Variants in HDAC3 observed in about 807,000 individuals in gnomAD.
The protein encoded by HDAC3 is SMAP45.
A neutral mutation model predicts 62.3 loss-of-function variants in HDAC3; 21 were observed. The observed-to-expected ratio is 0.34, with a 90% confidence interval of 0.24 to 0.49. The LOEUF (loss-of-function observed/expected upper bound fraction) is 0.49, where lower values mean the gene tolerates loss of function less well. Among genes scored for constraint, HDAC3 ranks in the 20% least tolerant of loss-of-function variants. The pLI is 0.99. For synonymous variants in HDAC3, 198 were observed against 206.5 expected (o/e 0.96, Z 0.35); for missense variants, 270 against 556.9 (o/e 0.48, Z 5.19).
Position 141,628,258 on chromosome 5 carries a change from G to C in HDAC3, c.692-71C>G. On this transcript the variant is annotated intron_variant, in intron 8 of 14. Coordinates refer to ENST00000305264, the MANE Select transcript of HDAC3 (RefSeq NM_003883.4). This position sits in a 1 kb window ranked among gnomAD's most constrained non-coding sequence, Gnocchi z 4.7. ...GGAGACAGGGAACAAAAGGAAAAAG[G>C]GGGTTGAGCGAGCATGTAGCCCAGG... The C allele has an allele frequency of 7.5e-7, 1 of 1,334,096 alleles. No homozygotes were observed. The highest frequency in any genetic ancestry group is 1.1e-6 in the Non-Finnish European group (1 of 929,064). The allele number at this position is 1,334,096 out of a possible 1,614,324, so 82.6% of individuals were successfully genotyped here. A position where few individuals can be genotyped will look rare whatever the true frequency, so the allele number is the denominator to read the frequency against.
Position 141,629,381 on chromosome 5 carries a change from G to A in HDAC3, c.477-75C>T. ...CCACTCCTCTCAAACACCGGGTCTC[G>A]AATTGTGAAGAGTCTGCTTCTGCCC... On this transcript the variant is annotated intron_variant, in intron 6 of 14. Transcript: ENST00000305264. This position sits in a 1 kb window ranked among gnomAD's most constrained non-coding sequence, Gnocchi z 5.3. 8.2e-6 allele frequency: 13 copies of A among 1,590,816 alleles called. No individual in the cohort carries two copies. Among genetic ancestry groups the A allele is most frequent in the Admixed American group, 3.4e-5 (2 of 59,418 alleles).
At position 141,628,700 on chromosome 5, in the gene HDAC3, G is replaced by T; in HGVS notation, c.611-61C>A. On this transcript the variant is annotated intron_variant, in intron 7 of 14. Coordinates refer to ENST00000305264, the MANE Select transcript of HDAC3 (RefSeq NM_003883.4). The surrounding 1 kb of genome is among the most constrained non-coding windows in gnomAD (Gnocchi z 4.7). Reference sequence around the variant, plus strand: ...AAGCACCCACAACCCAGCTGTTTCAGCCCCAATCTGCACTCTGGGAGCCTC... The same window carrying T: ...AAGCACCCACAACCCAGCTGTTTCATCCCCAATCTGCACTCTGGGAGCCTC... 1 of 1,221,508 alleles carries T rather than the reference G, an allele frequency of 8.2e-7. No individual in the cohort carries two copies. The highest frequency in any genetic ancestry group is 1.2e-6 in the Non-Finnish European group (1 of 829,378). The allele number at this position is 1,221,508 out of a possible 1,614,324, so 75.7% of individuals were successfully genotyped here.
At chr5:141,623,343 T>C (rs538911367) in intron 14 of HDAC3, among the ~76,000 whole-genome samples, 32 of 152,232 alleles carry the variant, frequency 2.1e-4, no homozygotes, top group African/African-American at 7.7e-4. Context: ...GCTGGAGCTA[T>C]AGGCATCAAA....
chr5:141,624,273 C>T (rs1235705358), intron 14 of HDAC3, among the ~76,000 whole-genome samples: 19 of 146,512 alleles, frequency 1.3e-4, no homozygotes, highest in Admixed American at 1.1e-3. Context: ...CAGTGGCTCA[C>T]GCCTATAATC....
At position 141,626,853 on chromosome 5, in the gene HDAC3, C is replaced by G. The variant is rs1349470326; in HGVS notation, c.831-570G>C. ...TCATCTACTTCTCTCCATTGCCACC[C>G]CCTCCACCTTAGTCTGGGCACCTAA... On this transcript the variant is annotated intron_variant, in intron 10 of 14. Coordinates refer to ENST00000305264, the MANE Select transcript of HDAC3 (RefSeq NM_003883.4). The surrounding 1 kb of genome is among the most constrained non-coding windows in gnomAD (Gnocchi z 4.6). Among the ~76,000 whole-genome samples the G allele has an allele frequency of 6.6e-6, 1 of 151,574 alleles. No homozygotes were observed. The highest frequency in any genetic ancestry group is 2.4e-5 in the African/African-American group (1 of 41,232).
chr5:141,626,362 G>A lies in HDAC3; in HGVS notation c.831-79C>T, dbSNP rs1596438017. On this transcript the variant is annotated intron_variant, in intron 10 of 14. Transcript: ENST00000305264. This position sits in a 1 kb window ranked among gnomAD's most constrained non-coding sequence, Gnocchi z 4.6. ...AATACCTTTAGGTATTGCCTGAAAG[G>A]AGCACAAGAAAACTATAAATGTTCT... is the stretch of plus-strand genomic sequence containing the variant. 1 of 995,422 alleles carries A rather than the reference G, an allele frequency of 1.0e-6. No individual in the cohort carries two copies. The allele number at this position is 995,422 out of a possible 1,614,324, so 61.7% of individuals were successfully genotyped here.
rs960081505 is a variant in HDAC3 at position 141,636,803 on chromosome 5, A to G, written c.-13T>C. On this transcript the variant is annotated 5_prime_UTR_variant, in exon 1 of 15. Coordinates refer to ENST00000305264, the MANE Select transcript of HDAC3 (RefSeq NM_003883.4). ...CGGTCTTGGCCATGGTGCCGGCGGG[A>G]GCAGGCCCCGCACCTCCGCCGCCCG... is the stretch of plus-strand genomic sequence containing the variant. The G allele has an allele frequency of 8.8e-6, 14 of 1,590,636 alleles. No homozygotes were observed. Among genetic ancestry groups the G allele is most frequent in the Non-Finnish European group, 1.2e-5 (14 of 1,168,050 alleles).
intron 14 of HDAC3, among the ~76,000 whole-genome samples, chr5:141,622,985 G>T (rs187373901): frequency 6.6e-6 from 1 of 152,126 alleles, no homozygotes; most frequent in East Asian, 1.9e-4. Flanking sequence ...TTAGCCAGGC[G>T]TGGAGGCTCA....
chr5:141,629,998 C>A lies in HDAC3; in HGVS notation c.363+46G>T. On this transcript the variant is annotated intron_variant, in intron 4 of 14. Coordinates refer to ENST00000305264, the MANE Select transcript of HDAC3 (RefSeq NM_003883.4). The surrounding 1 kb of genome is among the most constrained non-coding windows in gnomAD (Gnocchi z 5.3). ...CCAGGATCAGGGTTAAATCCCGAGT[C>A]CAGGGATCCAGAGGAAAGGAAGAAC... is the stretch of plus-strand genomic sequence containing the variant. 5.6e-6 allele frequency: 9 copies of A among 1,613,168 alleles called. No homozygotes were observed. Among genetic ancestry groups the A allele is most frequent in the Non-Finnish European group, 7.6e-6 (9 of 1,179,084 alleles).
rs370336683 is a variant in HDAC3, at chr5:141,628,523, G to A, written c.691+36C>T. ...AGGTTATTTCAAGGAGAAAAAGAAG[G>A]GGCCTAGGGAACAGAGGGAAGACTT... On this transcript the variant is annotated intron_variant, in intron 8 of 14. Coordinates refer to ENST00000305264, the MANE Select transcript of HDAC3 (RefSeq NM_003883.4). The surrounding 1 kb of genome is among the most constrained non-coding windows in gnomAD (Gnocchi z 4.7). The A allele has an allele frequency of 1.3e-5, 20 of 1,526,404 alleles. No homozygotes were observed. Among genetic ancestry groups the A allele is most frequent in the Non-Finnish European group, 3.6e-6 (4 of 1,100,778 alleles). The allele number at this position is 1,526,404 out of a possible 1,614,324, so 94.6% of individuals were successfully genotyped here. A position where few individuals can be genotyped will look rare whatever the true frequency, so the allele number is the denominator to read the frequency against.
intron 3 of HDAC3, among the ~76,000 whole-genome samples, chr5:141,630,460 T>C (rs982289327): frequency 6.6e-5 from 10 of 152,228 alleles, no homozygotes; most frequent in Admixed American, 2.0e-4. Flanking sequence ...TTTTTCTTAG[T>C]CTTCTCAGTG....
At chr5:141,634,765 C>A in intron 3 of HDAC3, 46 bp downstream of exon 3, 3 of 1,597,946 alleles carry the variant, frequency 1.9e-6, no homozygotes, top group Admixed American at 1.7e-5. Flanking sequence ...CACTGAAGGG[C>A]TTGGCATTAA....
rs777842079 is a variant in HDAC3, at chr5:141,636,825, C to A, written c.-35G>T. The A allele has an allele frequency of 2.7e-6, 4 of 1,479,424 alleles. No individual in the cohort carries two copies. In the East Asian group the frequency reaches 1.0e-4, roughly 38 times the overall value. 91.6% of individuals were successfully genotyped at this position (1,479,424 alleles called of 1,614,324 possible). ...GGGAGCAGGCCCCGCACCTCCGCCG[C>A]CCGCCGCCCGCGGCCGCCGCCAGCC... is the stretch of plus-strand genomic sequence containing the variant. On this transcript the variant is annotated 5_prime_UTR_variant, in exon 1 of 15. Coordinates refer to ENST00000305264, the MANE Select transcript of HDAC3 (RefSeq NM_003883.4).
chr5:141,630,161 CTCTG>C (rs749168676), intron 3 of HDAC3, 36 bp from the exon 4 acceptor site: 43 of 1,594,960 alleles, frequency 2.7e-5, no homozygotes, highest in Non-Finnish European at 3.7e-5. Flanking sequence ...ACCCTCCTGC[CTCTG>C]TCTGGGCCCT....
At chr5:141,631,059 A>G (rs1420557509) in intron 3 of HDAC3, among the ~76,000 whole-genome samples, 1 of 152,110 alleles carries the variant, frequency 6.6e-6, no homozygotes, top group Non-Finnish European at 1.5e-5. Flanking sequence ...ACTGTATGCA[A>G]GTTATACCTA....
In HDAC3 at chr5:141,628,683, A is replaced by G. The variant is rs762502883; in HGVS notation, c.611-44T>C. 4 of 1,483,786 alleles carry G rather than the reference A, an allele frequency of 2.7e-6. No homozygotes were observed. In the South Asian group the frequency reaches 4.5e-5, roughly 17 times the overall value. The allele number at this position is 1,483,786 out of a possible 1,614,324, so 91.9% of individuals were successfully genotyped here. On this transcript the variant is annotated intron_variant, in intron 7 of 14. Transcript: ENST00000305264. This position sits in a 1 kb window ranked among gnomAD's most constrained non-coding sequence, Gnocchi z 4.7. ...TGGTAGCCACACATGGGAAGCACCC[A>G]CAACCCAGCTGTTTCAGCCCCAATC...
chr5:141,636,358 A>G (rs2099906006), intron 2 of HDAC3, 190 bp downstream of exon 2: 1 of 617,964 alleles, frequency 1.6e-6, no homozygotes, highest in African/African-American at 1.8e-5. Flanking sequence ...TGAGGTGAGA[A>G]AGTACTTTCC....
Position 141,621,519 on chromosome 5 carries a change from C to T in HDAC3, c.1236G>A (p.Glu412=). 6.2e-7 allele frequency: 1 copy of T among 1,614,006 alleles called. No homozygotes were observed. The highest frequency in any genetic ancestry group is 8.5e-7 in the Non-Finnish European group (1 of 1,179,902). ...CATTGTCATGGTCTCCATCATAGAA[C>T]TCATTGGGTGCCTCTGGCCTGCAAA... ...ENYSRPEAPN[E]FYDGDHDNDK... is the part of the protein sequence containing the mutation. Residue 412 remains glutamate, a synonymous_variant, in exon 15 of 15, where the codon GAG becomes GAA. Transcript: ENST00000305264.
In HDAC3 at chr5:141,626,623, G is replaced by C. The variant is rs960094979; in HGVS notation, c.831-340C>G. The C allele has an allele frequency of 3.7e-5, 11 of 298,762 alleles. No homozygotes were observed. Among genetic ancestry groups the C allele is most frequent in the Non-Finnish European group, 3.9e-5 (6 of 153,716 alleles). The allele number at this position is 298,762 out of a possible 1,614,324, so 18.5% of individuals were successfully genotyped here. On this transcript the variant is annotated intron_variant, in intron 10 of 14. Coordinates refer to ENST00000305264, the MANE Select transcript of HDAC3 (RefSeq NM_003883.4). The surrounding 1 kb of genome is among the most constrained non-coding windows in gnomAD (Gnocchi z 4.6). ...GCGCGGTGCTCACGCCTTTGTAGTAGTCCCAGCTACTCAGGAGGCTGAGGC... is the reference window on the plus strand; with the variant it reads ...GCGCGGTGCTCACGCCTTTGTAGTACTCCCAGCTACTCAGGAGGCTGAGGC...
Sources: gnomAD v4.1 joint callset for allele counts (sites outside exome capture counted in the v4.1 genomes callset) on GRCh38, gnomAD v4.1.1 for gene constraint, Gnocchi (gnomAD v3.1) non-coding constraint, MANE v1.5 for transcripts, NCBI Gene and HGNC (gene_info 2026-07-23, HGNC 2026-07-21) for gene names.